THTPA: variants seen among roughly 807,000 people sequenced by gnomAD.
THTPA encodes thiamine triphosphatase.
In THTPA, 16 loss-of-function variants were observed where a neutral mutation model predicts 16.5. That is an observed-to-expected ratio of 0.97 (90% CI 0.66 to 1.47). The LOEUF is 1.47. Among genes scored for constraint, THTPA ranks in the 40% most tolerant of loss-of-function variants. The pLI is 0.00. For synonymous variants in THTPA, 110 were observed against 115.5 expected, an observed-to-expected ratio of 0.95 and a Z score of 0.30; for missense variants, 281 against 280.9, an observed-to-expected ratio of 1.00 and a Z score of 0.00.
the THTPA span, chr14:23,524,727 G>C: frequency 6.5e-7 from 1 of 1,536,346 alleles, no homozygotes; most frequent in South Asian, 1.2e-5. The surrounding 1 kb of genome is among the most constrained non-coding windows in gnomAD (Gnocchi z 5.6). Context: ...TCCCCATCTG[G>C]AGGCTCTGGT....
chr14:23,531,208 G>T, the THTPA span: 2 of 338,268 alleles, frequency 5.9e-6, no homozygotes, highest in Non-Finnish European at 1.0e-5. Flanking sequence ...TCACTACTCA[G>T]AATCACTGGG....
the THTPA span, among the ~76,000 whole-genome samples, chr14:23,544,895 G>A: frequency 6.6e-6 from 1 of 151,530 alleles, no homozygotes; most frequent in African/African-American, 2.4e-5. Context: ...CTCCTACCAG[G>A]TTTCCCTTTC....
chr14:23,550,088 T>C, the THTPA span, among the ~76,000 whole-genome samples: 1 of 152,264 alleles, frequency 6.6e-6, no homozygotes, highest in African/African-American at 2.4e-5. Flanking sequence ...GGAAGAGGTT[T>C]TGTTGTGCGA....
chr14:23,528,858 G>A, the THTPA span: 1 of 984,366 alleles, frequency 1.0e-6, no homozygotes, highest in Non-Finnish European at 1.2e-6. Context: ...TACCCAGCCT[G>A]CATCCAGGCT....
At chr14:23,533,512 G>A in the THTPA span, 40 of 1,535,970 alleles carry the variant, frequency 2.6e-5, no homozygotes, top group African/African-American at 4.1e-5. This position sits in a 1 kb window ranked among gnomAD's most constrained non-coding sequence, Gnocchi z 4.8. Flanking sequence ...CAGGCCCAGC[G>A]GCAGCCCCTG....
In THTPA at chr14:23,558,979, T is replaced by C; in HGVS notation, c.*139T>C. ...CGCTGCCTGTTTCTTCCCCCTCCTCTAAGCTACTCTTCCTTGAGCCCTCCC... is the reference window on the plus strand; with the variant it reads ...CGCTGCCTGTTTCTTCCCCCTCCTCCAAGCTACTCTTCCTTGAGCCCTCCC... On this transcript the variant is annotated 3_prime_UTR_variant, in exon 2 of 2. Coordinates refer to ENST00000288014, the MANE Select transcript of THTPA (RefSeq NM_024328.6). 9.6e-7 allele frequency: 1 copy of C among 1,042,008 alleles called. No homozygotes were observed. The highest frequency in any genetic ancestry group is 1.4e-6 in the Non-Finnish European group (1 of 730,030). The allele number at this position is 1,042,008 out of a possible 1,614,324, so 64.5% of individuals were successfully genotyped here. A position where few individuals can be genotyped will look rare whatever the true frequency, so the allele number is the denominator to read the frequency against.
the THTPA span, among the ~76,000 whole-genome samples, chr14:23,528,008 G>T: frequency 6.7e-6 from 1 of 149,230 alleles, no homozygotes; most frequent in Non-Finnish European, 1.5e-5. Context: ...CCAGGTTCAA[G>T]CAATTCTCCT....
chr14:23,554,217 G>A (rs1212485459), upstream of THTPA, among the ~76,000 whole-genome samples: 1 of 152,048 alleles, frequency 6.6e-6, no homozygotes, highest in African/African-American at 2.4e-5. Flanking sequence ...TATAACATAA[G>A]GAAAAATTAG....
the THTPA span, among the ~76,000 whole-genome samples, chr14:23,536,610 C>T: frequency 1.3e-5 from 2 of 152,138 alleles, no homozygotes; most frequent in Non-Finnish European, 2.9e-5. Flanking sequence ...ATGTTAAATG[C>T]TTTATGTTAA....
At chr14:23,533,643 T>C in the THTPA span, 1 of 1,536,862 alleles carries the variant, frequency 6.5e-7, no homozygotes, top group African/African-American at 1.4e-5. This position sits in a 1 kb window ranked among gnomAD's most constrained non-coding sequence, Gnocchi z 4.8. Context: ...TCTTAGGCTC[T>C]TTGTCTCCCG....
At chr14:23,522,832 G>A in the THTPA span, 128 of 1,534,616 alleles carry the variant, frequency 8.3e-5, no homozygotes, top group Middle Eastern at 5.0e-4. Flanking sequence ...TGGTTTGGTC[G>A]GGCATGGGTC....
chr14:23,531,383 T>C, the THTPA span: 1 of 1,329,414 alleles, frequency 7.5e-7, no homozygotes, highest in Non-Finnish European at 9.6e-7. Flanking sequence ...ACAGGCCCTC[T>C]TCGCCTTCCT....
At chr14:23,532,490 C>T in the THTPA span, 1 of 1,395,784 alleles carries the variant, frequency 7.2e-7, no homozygotes. Context: ...TTTCCTATCA[C>T]TTTCTTATTC....
the THTPA span, chr14:23,521,007 T>C: frequency 1.3e-5 from 2 of 152,168 alleles, no homozygotes; most frequent in Admixed American, 1.3e-4. Flanking sequence ...TTTCAGTTTT[T>C]TTTTTTGAAA....
chr14:23,552,645 AGG>A (rs1882063873), upstream of THTPA, among the ~76,000 whole-genome samples: 2 of 151,466 alleles, frequency 1.3e-5, no homozygotes, highest in Admixed American at 1.3e-4. Flanking sequence ...TCTGTCGCCC[AGG>A]CTGCAGTGCA....
chr14:23,531,851 C>T, the THTPA span: 2 of 1,174,660 alleles, frequency 1.7e-6, no homozygotes, highest in Non-Finnish European at 2.1e-6. Flanking sequence ...GATCTCTACT[C>T]ACTGAAGCCT....
At chr14:23,546,942 C>G in the THTPA span, among the ~76,000 whole-genome samples, 1 of 152,322 alleles carries the variant, frequency 6.6e-6, no homozygotes, top group African/African-American at 2.4e-5. This position sits in a 1 kb window ranked among gnomAD's most constrained non-coding sequence, Gnocchi z 4.7. Flanking sequence ...CTCCAGCACT[C>G]CCAGCTCTCT....
In THTPA at chr14:23,556,689, A is replaced by C; in HGVS notation, c.-69A>C. The C allele has an allele frequency of 6.6e-7, 1 of 1,522,610 alleles. No individual in the cohort carries two copies. The highest frequency in any genetic ancestry group is 8.8e-7 in the Non-Finnish European group (1 of 1,130,968). The allele number at this position is 1,522,610 out of a possible 1,614,324, so 94.3% of individuals were successfully genotyped here. On this transcript the variant is annotated 5_prime_UTR_variant, in exon 1 of 2. Coordinates refer to ENST00000288014, the MANE Select transcript of THTPA (RefSeq NM_024328.6). ...GGGTTCTGTACTGAGTTGACGCCCC[A>C]GGAGCTGAGCACCAGGCTTTGCATC...
At chr14:23,520,799 G>T in the THTPA span, 1 of 151,870 alleles carries the variant, frequency 6.6e-6, no homozygotes, top group African/African-American at 2.4e-5. This position sits in a 1 kb window ranked among gnomAD's most constrained non-coding sequence, Gnocchi z 8.7. Context: ...TTAAACCGGG[G>T]GGGTGGGGGT....
Sources: allele counts gnomAD v4.1 joint callset (sites outside exome capture counted in the v4.1 genomes callset), GRCh38; gene constraint gnomAD v4.1.1; non-coding constraint Gnocchi (gnomAD v3.1); transcripts MANE v1.5; gene names NCBI Gene and HGNC (gene_info 2026-07-23, HGNC 2026-07-21).